SH3GL1: variants seen among roughly 807,000 people sequenced by gnomAD.
The protein encoded by SH3GL1 is endophilin-A2.
Under a neutral mutation model 48.8 loss-of-function variants are expected in SH3GL1, and 21 were observed. The observed-to-expected ratio is 0.43, with a 90% CI of 0.30 to 0.62. SH3GL1 has a LOEUF of 0.62. Ranked by LOEUF, SH3GL1 falls within the 20% of genes least tolerant of loss-of-function variation. The pLI is 0.11. For synonymous variants in SH3GL1, 282 were observed against 217.5 expected (o/e 1.30, Z -2.61); for missense variants, 454 against 503.0 (o/e 0.90, Z 0.93).
At chr19:4,371,122 G>C (rs1166749956) in intron 1 of SH3GL1, among the ~76,000 whole-genome samples, 1 of 152,248 alleles carries the variant, frequency 6.6e-6, no homozygotes, top group East Asian at 1.9e-4. Context: ...TTGTCCCCCT[G>C]GGAGAAGGGG....
At chr19:4,383,457 C>T (rs1022100090) in intron 1 of SH3GL1, among the ~76,000 whole-genome samples, 2 of 152,048 alleles carry the variant, frequency 1.3e-5, no homozygotes, top group African/African-American at 2.4e-5. Context: ...TGGTCTCAAA[C>T]TCCCAGGCTC....
chr19:4,364,911 TATATA>T lies in SH3GL1; in HGVS notation c.331+566_331+570del, dbSNP rs376117766. Among the ~76,000 whole-genome samples, 98 of 135,770 alleles carry T rather than the reference TATATA, an allele frequency of 7.2e-4. 1 individual carries two copies. Among genetic ancestry groups the T allele is most frequent in the African/African-American group, 1.3e-3 (45 of 34,242 alleles). 89.1% of individuals were successfully genotyped at this position (135,770 alleles called of 152,430 possible). Reference sequence around the variant, plus strand: ...GTGTGTGTGTGTGTATATATATATATATATATTTTTTTTTTTTTAGTAGAAGCGGG... The same window carrying T: ...GTGTGTGTGTGTGTATATATATATATTTTTTTTTTTTTTAGTAGAAGCGGG... On this transcript the variant is annotated intron_variant, in intron 4 of 9. Coordinates refer to ENST00000269886, the MANE Select transcript of SH3GL1 (RefSeq NM_003025.4).
chr19:4,377,528 C>G (rs565772007), intron 1 of SH3GL1, among the ~76,000 whole-genome samples: 162 of 152,344 alleles, frequency 1.1e-3, no homozygotes, highest in African/African-American at 3.7e-3. Context: ...CAAAAGCACC[C>G]AGGCCAGAAG....
chr19:4,399,183 G>T (rs1425413304), intron 1 of SH3GL1, among the ~76,000 whole-genome samples: 1 of 152,026 alleles, frequency 6.6e-6, no homozygotes, highest in Non-Finnish European at 1.5e-5. Flanking sequence ...AGCCGGGCGT[G>T]GTGGCGCATG....
rs767131792 is a variant in SH3GL1 at position 4,362,602 on chromosome 19, G to A, written c.853+10C>T. 2.1e-5 allele frequency: 34 copies of A among 1,613,300 alleles called. No homozygotes were observed. In the East Asian group the frequency reaches 7.1e-4, roughly 34 times the overall value. ...ATTTGCCTCCGCAAGAGGGCTCCAT[G>A]CCCCATTACCTGCGATCTTGGGGGC... On this transcript the variant is annotated intron_variant, in intron 8 of 9. Transcript: ENST00000269886.
chr19:4,390,370 T>C (rs1599619792), intron 1 of SH3GL1: 1 of 151,596 alleles, frequency 6.6e-6, no homozygotes, highest in Non-Finnish European at 1.5e-5. Context: ...AGGCGAGAGA[T>C]AGAGAAAGAG....
intron 4 of SH3GL1, among the ~76,000 whole-genome samples, chr19:4,364,894 G>A (rs1278277403): frequency 2.3e-3 from 265 of 113,148 alleles, no homozygotes; most frequent in African/African-American, 8.8e-3. Context: ...GTGTGTGTGT[G>A]TGTGTATATA....
Position 4,382,655 on chromosome 19 carries a change from T to A in SH3GL1, c.46-15661A>T, listed in dbSNP as rs999224812. Among the ~76,000 whole-genome samples the A allele has an allele frequency of 1.7e-4, 26 of 152,314 alleles. 1 individual carries two copies. Among genetic ancestry groups the A allele is most frequent in the Admixed American group, 1.7e-3 (26 of 15,286 alleles). ...CCAGGTCCGTACCCTTTGTCCCATC[T>A]GCAAAGTCCCATTTTCCATGTAAGG... On this transcript the variant is annotated intron_variant, in intron 1 of 9. Transcript: ENST00000269886.
At chr19:4,366,420 G>A (rs1972780403) in intron 3 of SH3GL1, 81 bp downstream of exon 3, 15 of 1,113,992 alleles carry the variant, frequency 1.3e-5, no homozygotes, top group South Asian at 6.5e-5. Context: ...TGAGCCTGGC[G>A]GTTCTGTCAT....
At chr19:4,390,890 C>T (rs1418501739) in intron 1 of SH3GL1, among the ~76,000 whole-genome samples, 3 of 152,168 alleles carry the variant, frequency 2.0e-5, no homozygotes, top group East Asian at 3.9e-4. Flanking sequence ...CGGCTGCCTC[C>T]GAAATCCTAC....
At chr19:4,391,922 G>T (rs1053905914) in intron 1 of SH3GL1, among the ~76,000 whole-genome samples, 3 of 152,218 alleles carry the variant, frequency 2.0e-5, no homozygotes, top group African/African-American at 7.2e-5. Flanking sequence ...AGTACATGCC[G>T]CACGTTCCTG....
chr19:4,382,280 C>CG (rs1434438038), intron 1 of SH3GL1, among the ~76,000 whole-genome samples: 96 of 107,022 alleles, frequency 9.0e-4, no homozygotes, highest in Non-Finnish European at 1.3e-3. Context: ...TTTTTTGAGA[C>CG]GGAGTCTCGC....
chr19:4,384,419 CTTTCGGTCATGCAAA>C (rs1316303919), intron 1 of SH3GL1, among the ~76,000 whole-genome samples: 1 of 152,210 alleles, frequency 6.6e-6, no homozygotes, highest in Non-Finnish European at 1.5e-5. Flanking sequence ...CGGTCCAGGA[CTTTCGGTCATGCAAA>C]TTGAACAGGT....
At chr19:4,377,840 C>T (rs546813061) in intron 1 of SH3GL1, among the ~76,000 whole-genome samples, 62 of 152,330 alleles carry the variant, frequency 4.1e-4, no homozygotes, top group African/African-American at 1.1e-3. Flanking sequence ...GCAAATGGCC[C>T]GAGTCCCCCC....
rs760404970 is a variant in SH3GL1 at position 4,362,597 on chromosome 19, TCCATGCC to T, written c.853+8_853+14del. The T allele has an allele frequency of 6.2e-7, 1 of 1,613,172 alleles. No individual in the cohort carries two copies. Among genetic ancestry groups the T allele is most frequent in the South Asian group, 1.1e-5 (1 of 91,048 alleles). The stretch of plus-strand genomic sequence containing the variant: ...CTGGCATTTGCCTCCGCAAGAGGGC[TCCATGCC>T]CCATTACCTGCGATCTTGGGGGCTG... On this transcript the variant is annotated splice_region_variant and intron_variant, in intron 8 of 9. Coordinates refer to ENST00000269886, the MANE Select transcript of SH3GL1 (RefSeq NM_003025.4).
chr19:4,381,088 CTCTCT>C (rs1277839315), intron 1 of SH3GL1, among the ~76,000 whole-genome samples: 2 of 119,898 alleles, frequency 1.7e-5, no homozygotes, highest in African/African-American at 3.7e-5. Flanking sequence ...TCTCTGTCCC[CTCTCT>C]CTGTCCCCTT....
intron 1 of SH3GL1, among the ~76,000 whole-genome samples, chr19:4,399,835 G>C (rs990529217): frequency 6.6e-6 from 1 of 152,232 alleles, no homozygotes; most frequent in Non-Finnish European, 1.5e-5. Context: ...TGTCTCTGGG[G>C]AGAAGGGCTG....
chr19:4,368,532 A>C (rs924114313), intron 1 of SH3GL1, among the ~76,000 whole-genome samples: 1 of 152,198 alleles, frequency 6.6e-6, no homozygotes, highest in African/African-American at 2.4e-5. Context: ...CAACCTGCCC[A>C]AAAAGACACC....
rs1973505991 is a variant in SH3GL1, at chr19:4,400,515, C to CA, written c.-148dup. The CA allele has an allele frequency of 2.7e-5, 15 of 548,030 alleles. 1 individual carries two copies. The South Asian group carries it at 1.1e-3, about 39-fold the overall frequency. The allele number at this position is 548,030 out of a possible 1,614,324, so 33.9% of individuals were successfully genotyped here. On this transcript the variant is annotated 5_prime_UTR_variant, in exon 1 of 10. Coordinates refer to ENST00000269886, the MANE Select transcript of SH3GL1 (RefSeq NM_003025.4). This position sits in a 1 kb window ranked among gnomAD's most constrained non-coding sequence, Gnocchi z 4.1. ...CTCCGCGCCCGCCCCGGCGCCGCCT[C>CA]AGCCGCTCGCGCGCCCGCGCGGCCA... is the stretch of plus-strand genomic sequence containing the variant.
Sources: allele counts gnomAD v4.1 joint callset (sites outside exome capture counted in the v4.1 genomes callset), GRCh38; gene constraint gnomAD v4.1.1; non-coding constraint Gnocchi (gnomAD v3.1); transcripts MANE v1.5; gene names NCBI Gene and HGNC (gene_info 2026-07-23, HGNC 2026-07-21).